Variants in NXF1 observed in about 807,000 individuals in gnomAD.
NXF1 encodes mRNA export factor TAP.
Under a neutral mutation model 92.4 loss-of-function variants are expected in NXF1, and 43 were observed. The observed-to-expected ratio is 0.47, with a 90% CI of 0.36 to 0.60. The LOEUF (loss-of-function observed/expected upper bound fraction) is 0.60. NXF1 is among the 20% of genes least tolerant of loss of function. NXF1 has a pLI of 0.00. For synonymous variants in NXF1, 288 were observed against 292.2 expected (o/e 0.99, Z 0.15); for missense variants, 576 against 793.0 (o/e 0.73, Z 3.29).
intron 19 of NXF1, among the ~76,000 whole-genome samples, chr11:62,793,210 T>C (rs993221821): frequency 6.6e-6 from 1 of 152,144 alleles, no homozygotes; most frequent in South Asian, 2.1e-4. Flanking sequence ...TCCCGAGTAG[T>C]TGGGACTACA....
intron 19 of NXF1, among the ~76,000 whole-genome samples, chr11:62,792,950 G>T (rs2084380865): frequency 1.3e-5 from 2 of 152,128 alleles, no homozygotes. Context: ...AGATGTTCAT[G>T]GTGTAAGTAA....
At chr11:62,803,322 AT>A (rs1390505033) in intron 3 of NXF1, 96 bp downstream of exon 3, 46 of 1,053,550 alleles carry the variant, frequency 4.4e-5, no homozygotes, top group East Asian at 7.9e-5. Context: ...TTTAAAAAAA[AT>A]AATAATAATA....
intron 1 of NXF1, 165 bp downstream of exon 1, chr11:62,805,164 G>C: frequency 2.0e-6 from 1 of 504,870 alleles, no homozygotes; most frequent in Non-Finnish European, 3.2e-6. Flanking sequence ...AGGAATCCAG[G>C]AGTCAACAAC....
In NXF1 at chr11:62,802,306, G is replaced by A. The variant is rs746413007; in HGVS notation, c.370-46C>T. 5 of 1,514,456 alleles carry A rather than the reference G, an allele frequency of 3.3e-6. No individual in the cohort carries two copies. In the Admixed American group the frequency reaches 6.8e-5, roughly 21 times the overall value. 93.8% of individuals were successfully genotyped at this position (1,514,456 alleles called of 1,614,324 possible). On this transcript the variant is annotated intron_variant, in intron 3 of 20. Coordinates refer to ENST00000294172, the MANE Select transcript of NXF1 (RefSeq NM_006362.5). ...AAAGAAGGGAATGATAAGTAAGGCT[G>A]AATAGCAGACCCAATACAATGCCTT... is the stretch of plus-strand genomic sequence containing the variant.
intron 3 of NXF1, 120 bp downstream of exon 3, chr11:62,803,299 G>A (rs2084499748): frequency 2.4e-6 from 2 of 832,714 alleles, no homozygotes; most frequent in Non-Finnish European, 3.6e-6. Context: ...CTGGGTGACA[G>A]AGCAAGACTC....
chr11:62,795,474 C>CA, intron 17 of NXF1: 13 of 219,194 alleles, frequency 5.9e-5, no homozygotes, highest in South Asian at 2.2e-4. Context: ...GACTCCATCT[C>CA]AAAAAAAAGT....
At chr11:62,798,719 A>T in intron 10 of NXF1, 144 bp from the exon 11 acceptor site, 2 of 1,463,024 alleles carry the variant, frequency 1.4e-6, no homozygotes, top group Non-Finnish European at 1.8e-6. Flanking sequence ...TGCTCAGGGA[A>T]AAATGGCCCC....
At chr11:62,794,810 G>A in intron 18 of NXF1, 125 bp downstream of exon 18, 5 of 867,370 alleles carry the variant, frequency 5.8e-6, no homozygotes, top group Non-Finnish European at 9.2e-6. Flanking sequence ...TAACTACTAT[G>A]TGAGCTTTCT....
At position 62,797,163 on chromosome 11, in the gene NXF1, G is replaced by C; in HGVS notation, c.1178+20C>G. 1 of 1,613,158 alleles carries C rather than the reference G, an allele frequency of 6.2e-7. No individual in the cohort carries two copies. The highest frequency in any genetic ancestry group is 8.5e-7 in the Non-Finnish European group (1 of 1,179,178). On this transcript the variant is annotated intron_variant, in intron 13 of 20. Coordinates refer to ENST00000294172, the MANE Select transcript of NXF1 (RefSeq NM_006362.5). ...CCCCCTCAACCTCGGGGTGGGGAGG[G>C]GGGACCCTGGGATACTTACTGTTGC...
Position 62,794,420 on chromosome 11 carries a change from T to C in NXF1, c.1598A>G (p.Glu533Gly). 1.9e-6 allele frequency: 3 copies of C among 1,613,656 alleles called. No individual in the cohort carries two copies. Among genetic ancestry groups the C allele is most frequent in the Non-Finnish European group, 2.5e-6 (3 of 1,179,664 alleles). The change falls in exon 19 of 21, where the codon GAG becomes GGG. Residue 533 changes from glutamate to glycine, a missense_variant. Around this residue, in one of 2 missense-constraint regions of NXF1, gnomAD observed 425 missense variants for 635.2 expected, o/e 0.67. Coordinates refer to ENST00000294172, the MANE Select transcript of NXF1 (RefSeq NM_006362.5). ...AGAACTGGCATTCCGCACAAATAGC[T>C]CATCATTTACAATACATAGCCTTGA... ...SNSGLCIVND[E>G]LFVRNASSEE... is the part of the protein sequence containing the mutation.
At position 62,794,418 on chromosome 11, in the gene NXF1, G is replaced by A; in HGVS notation, c.1600C>T (p.Leu534=). The part of the protein sequence containing the change: ...NSGLCIVNDE[L]FVRNASSEEI... ...TCAGAACTGGCATTCCGCACAAATA[G>A]CTCATCATTTACAATACATAGCCTT... Residue 534 remains leucine (L), a synonymous_variant, in exon 19 of 21, where the codon CTA becomes TTA. Transcript: ENST00000294172. 6.2e-7 allele frequency: 1 copy of A among 1,613,796 alleles called. No individual in the cohort carries two copies. Among genetic ancestry groups the A allele is most frequent in the Non-Finnish European group, 8.5e-7 (1 of 1,179,722 alleles).
intron 19 of NXF1, 110 bp from the exon 20 acceptor site, chr11:62,792,811 A>T: frequency 1.2e-6 from 1 of 828,886 alleles, no homozygotes; most frequent in Non-Finnish European, 2.0e-6. Flanking sequence ...ACATTCTTAT[A>T]CATCCTTGCA....
intron 9 of NXF1, among the ~76,000 whole-genome samples, chr11:62,800,735 T>C (rs535384684): frequency 6.6e-6 from 1 of 151,852 alleles, no homozygotes; most frequent in East Asian, 1.9e-4. Flanking sequence ...CCTGGGTAGC[T>C]AGGACTACAG....
At position 62,800,483 on chromosome 11, in the gene NXF1, T is replaced by C; in HGVS notation, c.910A>G (p.Lys304Glu). 6.2e-7 allele frequency: 1 copy of C among 1,612,496 alleles called. No individual in the cohort carries two copies. Among genetic ancestry groups the C allele is most frequent in the Non-Finnish European group, 8.5e-7 (1 of 1,178,864 alleles). ...ATCTTGTCCAATTCCCGCTCAGACT[T>C]CAACTGCAAAGGGTGGAAGGAACAA... Reference protein sequence around the residue: ...KILNLSGNELKSERELDKIKG... With the variant: ...KILNLSGNELESERELDKIKG... Residue 304 changes from lysine (K) to glutamate (E), a missense_variant, in exon 10 of 21, where the codon AAG becomes GAG. Transcript: ENST00000294172.
chr11:62,800,511 G>A, intron 9 of NXF1, 25 bp from the exon 10 acceptor site: 3 of 1,571,956 alleles, frequency 1.9e-6, no homozygotes, highest in Non-Finnish European at 2.6e-6. Context: ...AGGAACAAAG[G>A]GAGGAGACCC....
At chr11:62,802,357 G>T in intron 3 of NXF1, 97 bp from the exon 4 acceptor site, 3 of 969,840 alleles carry the variant, frequency 3.1e-6, no homozygotes, top group Non-Finnish European at 4.8e-6. Flanking sequence ...AACTTTTAAA[G>T]ACTATCTAAA....
At chr11:62,798,393 T>C in intron 11 of NXF1, 146 bp downstream of exon 11, 1 of 1,203,848 alleles carries the variant, frequency 8.3e-7, no homozygotes, top group Non-Finnish European at 1.1e-6. Context: ...GAAATCATGC[T>C]GTTGCACTCC....
At chr11:62,798,776 G>C (rs1292795979) in intron 10 of NXF1, 10 of 1,388,294 alleles carry the variant, frequency 7.2e-6, no homozygotes, top group South Asian at 1.7e-5. Context: ...TGCCTTGAAG[G>C]CTGTCTCTTT....
chr11:62,795,806 T>C (rs1250554062), intron 17 of NXF1, 95 bp downstream of exon 17: 102 of 1,219,622 alleles, frequency 8.4e-5, no homozygotes, highest in Non-Finnish European at 6.2e-5. Flanking sequence ...AAAAAGAAAA[T>C]GGGAGAGAAA....
Sources: allele counts gnomAD v4.1 joint callset (sites outside exome capture counted in the v4.1 genomes callset), GRCh38; gene constraint gnomAD v4.1.1; regional missense constraint gnomAD v4.1.1; transcripts MANE v1.5; gene names NCBI Gene and HGNC (gene_info 2026-07-23, HGNC 2026-07-21).